The following GHR variants were observed in gnomAD, a reference collection of about 807,000 sequenced individuals.
GHR encodes GH receptor.
In GHR, 35 loss-of-function variants were observed where a neutral mutation model predicts 67.1. The observed-to-expected ratio is 0.52, with a 90% CI of 0.40 to 0.69. GHR has a LOEUF of 0.69. GHR is among the 30% of genes least tolerant of loss of function. The pLI is 0.00. For missense variants in GHR, 792 were observed against 764.6 expected, an observed-to-expected ratio of 1.04 and a Z score of -0.42; for synonymous variants, 272 against 269.1, an observed-to-expected ratio of 1.01 and a Z score of -0.10.
At chr5:42,697,389 G>A (rs553838580) in intron 5 of GHR, among the ~76,000 whole-genome samples, 1 of 152,216 alleles carries the variant, frequency 6.6e-6, no homozygotes, top group Non-Finnish European at 1.5e-5. Flanking sequence ...GATGGAAAGC[G>A]ACAATGCTAT....
At chr5:42,654,763 G>A (rs77160097) in intron 3 of GHR, among the ~76,000 whole-genome samples, 82 of 152,260 alleles carry the variant, frequency 5.4e-4, no homozygotes, top group African/African-American at 1.9e-3. Context: ...TGGTTTTGCT[G>A]CAGGTGGACC....
intron 1 of GHR, among the ~76,000 whole-genome samples, chr5:42,477,715 C>T (rs908382268): frequency 2.6e-5 from 4 of 152,270 alleles, no homozygotes; most frequent in Admixed American, 2.0e-4. Flanking sequence ...CCCTCACCCA[C>T]TTTTTGATGG....
intron 3 of GHR, among the ~76,000 whole-genome samples, chr5:42,687,106 A>G (rs374363702): frequency 1.3e-5 from 2 of 152,180 alleles, no homozygotes; most frequent in African/African-American, 2.4e-5. Context: ...ACCTAGGAAT[A>G]CAACTTACAA....
At chr5:42,651,085 G>A (rs1754999082) in intron 3 of GHR, among the ~76,000 whole-genome samples, 1 of 152,160 alleles carries the variant, frequency 6.6e-6, no homozygotes, top group Non-Finnish European at 1.5e-5. Context: ...TGGGCATTAA[G>A]GACCCCAGTG....
rs1312302312 is a variant in GHR at position 42,533,793 on chromosome 5, C to G, written c.-11-32071C>G. Among the ~76,000 whole-genome samples the G allele has an allele frequency of 2.0e-5, 3 of 151,906 alleles. No homozygotes were observed. The East Asian group carries it at 5.8e-4, about 29-fold the overall frequency. ...GCACCCATCACCCAAGCAGTATACA[C>G]TGCACCATATTTGTTTTCTTTTATC... On this transcript the variant is annotated intron_variant, in intron 1 of 9. Coordinates refer to ENST00000230882, the MANE Select transcript of GHR (RefSeq NM_000163.5).
At position 42,424,347 on chromosome 5, in the gene GHR, A is replaced by G. The variant is rs781155746; in HGVS notation, c.-12+392A>G. The G allele has an allele frequency of 5.1e-6, 3 of 586,312 alleles. No individual in the cohort carries two copies. The highest frequency in any genetic ancestry group is 3.7e-5 in the African/African-American group (2 of 53,450). The allele number at this position is 586,312 out of a possible 1,614,324, so 36.3% of individuals were successfully genotyped here. On this transcript the variant is annotated intron_variant, in intron 1 of 9. Coordinates refer to ENST00000230882, the MANE Select transcript of GHR (RefSeq NM_000163.5). This position sits in a 1 kb window ranked among gnomAD's most constrained non-coding sequence, Gnocchi z 4.1. ...CCGGAGACAGTTTTGTTAAAGTCAT[A>G]AAAGTTTTGCTAGTGTGTTTCTGTT...
intron 2 of GHR, among the ~76,000 whole-genome samples, chr5:42,622,969 T>C (rs1714429471): frequency 6.6e-6 from 1 of 152,100 alleles, no homozygotes; most frequent in Admixed American, 6.5e-5. Context: ...CATCCCGTCT[T>C]CACATCAGCA....
chr5:42,464,578 A>G (rs553068131), intron 1 of GHR, among the ~76,000 whole-genome samples: 26 of 152,320 alleles, frequency 1.7e-4, no homozygotes, highest in African/African-American at 6.3e-4. Context: ...TAGGAGGGTC[A>G]TGAATCCATT....
intron 2 of GHR, among the ~76,000 whole-genome samples, chr5:42,620,663 T>C (rs759999077): frequency 2.0e-5 from 3 of 152,190 alleles, no homozygotes; most frequent in Non-Finnish European, 4.4e-5. Flanking sequence ...TTGGACTTGC[T>C]AATTTTTTTT....
chr5:42,474,289 G>GAAAGAAAA (rs1422142604), intron 1 of GHR, among the ~76,000 whole-genome samples: 2 of 24,000 alleles, frequency 8.3e-5, no homozygotes, highest in African/African-American at 1.3e-4. Flanking sequence ...GAAAGAAAAA[G>GAAAGAAAA]AGAAAGAGAA....
At chr5:42,578,998 C>T (rs1185578640) in intron 2 of GHR, among the ~76,000 whole-genome samples, 1 of 151,934 alleles carries the variant, frequency 6.6e-6, no homozygotes, top group Non-Finnish European at 1.5e-5. Flanking sequence ...AGAATTAGGT[C>T]TGTTTTAGTT....
Position 42,718,072 on chromosome 5 carries a change from C to T in GHR, c.896C>T (p.Pro299Leu), listed in dbSNP as rs771428980. Residue 299 changes from proline (P) to leucine (L), a missense_variant, in exon 9 of 10, where the codon CCC (proline) becomes CTC (leucine). Coordinates refer to ENST00000230882, the MANE Select transcript of GHR (RefSeq NM_000163.5). Reference sequence around the variant, plus strand: ...TCAAGGATTAAAATGCTGATTCTGCCCCCAGTTCCAGTTCCAAAGATTAAA... The same window carrying T: ...TCAAGGATTAAAATGCTGATTCTGCTCCCAGTTCCAGTTCCAAAGATTAAA... ...KQQRIKMLIL[P>L]PVPVPKIKGI... The T allele has an allele frequency of 1.3e-6, 2 of 1,587,938 alleles. No individual in the cohort carries two copies. The highest frequency in any genetic ancestry group is 1.7e-6 in the Non-Finnish European group (2 of 1,156,822).
chr5:42,438,970 A>G (rs1203803968), intron 1 of GHR, among the ~76,000 whole-genome samples: 1 of 152,218 alleles, frequency 6.6e-6, no homozygotes, highest in South Asian at 2.1e-4. Context: ...ATGCAGCCTA[A>G]CACTGTCCTG....
intron 1 of GHR, among the ~76,000 whole-genome samples, chr5:42,554,571 T>C (rs1749207723): frequency 6.6e-6 from 1 of 152,186 alleles, no homozygotes; most frequent in Non-Finnish European, 1.5e-5. Flanking sequence ...AGATCTATTC[T>C]ACACTAACTA....
At chr5:42,607,825 A>C (rs1752699779) in intron 2 of GHR, among the ~76,000 whole-genome samples, 1 of 152,222 alleles carries the variant, frequency 6.6e-6, no homozygotes, top group Admixed American at 6.5e-5. Context: ...GATGTTGGTT[A>C]GAACTTACTA....
intron 1 of GHR, among the ~76,000 whole-genome samples, chr5:42,562,193 T>C (rs934244796): frequency 2.0e-5 from 3 of 152,186 alleles, no homozygotes; most frequent in African/African-American, 7.2e-5. Flanking sequence ...TATGGGGCTC[T>C]GTGAAGATGA....
intron 1 of GHR, among the ~76,000 whole-genome samples, chr5:42,476,571 A>C (rs542755621): frequency 1.3e-5 from 2 of 152,318 alleles, no homozygotes; most frequent in South Asian, 4.1e-4. Context: ...ATTGATGATG[A>C]ATTATGAAAA....
At chr5:42,479,746 T>A (rs1192434343) in intron 1 of GHR, among the ~76,000 whole-genome samples, 1 of 152,224 alleles carries the variant, frequency 6.6e-6, no homozygotes, top group East Asian at 1.9e-4. Flanking sequence ...CTTTATCATT[T>A]TTTATTGCGT....
At chr5:42,626,577 T>C (rs1753714716) in intron 2 of GHR, among the ~76,000 whole-genome samples, 1 of 152,136 alleles carries the variant, frequency 6.6e-6, no homozygotes, top group Non-Finnish European at 1.5e-5. Flanking sequence ...CTCCCCTTCC[T>C]GAGGTTGGAG....
Sources: allele counts gnomAD v4.1 joint callset (sites outside exome capture counted in the v4.1 genomes callset), GRCh38; gene constraint gnomAD v4.1.1; non-coding constraint Gnocchi (gnomAD v3.1); transcripts MANE v1.5; gene names NCBI Gene and HGNC (gene_info 2026-07-23, HGNC 2026-07-21).